The following UBAP2 variants were observed in gnomAD, a reference collection of about 807,000 sequenced individuals.
The protein encoded by UBAP2 is ubiquitin associated protein 2, also known as ubiquitin-associated protein 2.
UBAP2 carries 75 observed loss-of-function variants against 139.6 expected under a neutral mutation model. The ratio of observed to expected loss-of-function variants is 0.54; its 90% CI spans 0.45 to 0.65. The LOEUF (loss-of-function observed/expected upper bound fraction) is 0.65, where lower values mean the gene tolerates loss of function less well. UBAP2 is among the 30% of genes least tolerant of loss of function. The probability of loss-of-function intolerance (pLI) is 0.00; values close to 1 mark genes in which losing one functional copy is unlikely to be tolerated. For synonymous variants in UBAP2, 526 were observed against 526.2 expected (o/e 1.00, Z 0.01); for missense variants, 1,368 against 1,369.6 (o/e 1.00, Z 0.02).
At chr9:33,958,746 G>A (rs1021365519) in intron 10 of UBAP2, among the ~76,000 whole-genome samples, 16 of 148,506 alleles carry the variant, frequency 1.1e-4, no homozygotes, top group Non-Finnish European at 1.6e-4. Context: ...CAGGCATGAC[G>A]GCACGCACCT....
chr9:34,043,557 G>A (rs1481581846), intron 1 of UBAP2, among the ~76,000 whole-genome samples: 2 of 150,872 alleles, frequency 1.3e-5, no homozygotes, highest in East Asian at 3.9e-4. Flanking sequence ...ACCCAAGCTG[G>A]AGTGCAATGG....
intron 4 of UBAP2, chr9:33,994,838 G>A (rs948907851): frequency 6.6e-6 from 1 of 152,106 alleles, no homozygotes; most frequent in African/African-American, 2.4e-5. Flanking sequence ...TAAAAACACA[G>A]TCATTTTAGC....
intron 12 of UBAP2, 67 bp downstream of exon 12, chr9:33,953,218 T>C: frequency 2.9e-6 from 4 of 1,394,404 alleles, no homozygotes; most frequent in Admixed American, 4.5e-5. Flanking sequence ...GCATGTATCA[T>C]ATTCTAGAAT....
intron 1 of UBAP2, among the ~76,000 whole-genome samples, chr9:34,043,645 A>C (rs895755757): frequency 9.2e-5 from 14 of 151,902 alleles, no homozygotes; most frequent in South Asian, 4.2e-4. Flanking sequence ...GGGTACATGC[A>C]ATCATGCCCA....
At chr9:33,977,009 C>A (rs1354029818) in intron 6 of UBAP2, among the ~76,000 whole-genome samples, 1 of 148,486 alleles carries the variant, frequency 6.7e-6, no homozygotes. Flanking sequence ...AAGACTCGGT[C>A]TTGGAAAAAA....
In UBAP2 at chr9:33,982,588, C is replaced by G. The variant is rs554319101; in HGVS notation, c.520+4172G>C. 4.1e-4 allele frequency among the ~76,000 whole-genome samples: 62 copies of G among 152,178 alleles called. 1 individual carries two copies. The highest frequency in any genetic ancestry group is 1.4e-3 in the African/African-American group (57 of 41,518). On this transcript the variant is annotated intron_variant, in intron 6 of 28. Coordinates refer to ENST00000379238, the MANE Select transcript of UBAP2 (RefSeq NM_001370062.2). The stretch of plus-strand genomic sequence containing the variant: ...CTGTTCCTATTCACCGGTATATATA[C>G]TGATGAGAAAATTATATGAACAGCC...
At chr9:33,995,361 AT>A (rs1443789459) in intron 4 of UBAP2, 4 of 143,942 alleles carry the variant, frequency 2.8e-5, no homozygotes, top group Admixed American at 7.4e-5. Flanking sequence ...TCTCAAAAAA[AT>A]AAATAAATAT....
At chr9:34,040,780 G>A (rs1224915566) in intron 1 of UBAP2, among the ~76,000 whole-genome samples, 1 of 152,160 alleles carries the variant, frequency 6.6e-6, no homozygotes, top group Admixed American at 6.6e-5. Context: ...TCCACTCTGT[G>A]TATAAGCTGA....
chr9:34,035,514 A>AAAAAAATATATATATATATATAT, intron 1 of UBAP2, among the ~76,000 whole-genome samples: 4 of 22,488 alleles, frequency 1.8e-4, no homozygotes, highest in African/African-American at 3.8e-4. Context: ...AAAAAAAAAA[A>AAAAAAATATATATATATATATAT]ATATATATAT....
chr9:34,008,337 G>C (rs915056341), intron 2 of UBAP2, among the ~76,000 whole-genome samples: 3 of 141,830 alleles, frequency 2.1e-5, no homozygotes, highest in African/African-American at 8.0e-5. Flanking sequence ...AAAAAAAAAA[G>C]TGGGACACAG....
intron 1 of UBAP2, among the ~76,000 whole-genome samples, chr9:34,033,712 C>T (rs754885019): frequency 9.3e-5 from 14 of 151,290 alleles, no homozygotes; most frequent in Non-Finnish European, 1.2e-4. Context: ...CAAGCAGCTG[C>T]GACTACAGTC....
Position 33,998,872 on chromosome 9 carries a change from G to A in UBAP2, c.100-8C>T, listed in dbSNP as rs1587635954. The A allele has an allele frequency of 6.2e-7, 1 of 1,607,986 alleles. No individual in the cohort carries two copies. On this transcript the variant is annotated splice_region_variant and splice_polypyrimidine_tract_variant and intron_variant, in intron 2 of 28. Coordinates refer to ENST00000379238, the MANE Select transcript of UBAP2 (RefSeq NM_001370062.2). The stretch of plus-strand genomic sequence containing the variant: ...CATCTGTTCAGCTGTTGCCTGGAAA[G>A]TACATACAATTGTTAAGGATTTGAA...
At chr9:34,005,527 A>G (rs1255216567) in intron 2 of UBAP2, among the ~76,000 whole-genome samples, 3 of 152,102 alleles carry the variant, frequency 2.0e-5, no homozygotes, top group Non-Finnish European at 2.9e-5. Context: ...TCAAGAAATA[A>G]TAATTTAAAG....
At chr9:33,969,329 T>C (rs1268351676) in intron 8 of UBAP2, among the ~76,000 whole-genome samples, 1 of 152,132 alleles carries the variant, frequency 6.6e-6, no homozygotes, top group East Asian at 1.9e-4. Context: ...GGGAGGATCT[T>C]TGAAGCCAGG....
At chr9:33,978,395 A>G (rs1325336174) in intron 6 of UBAP2, among the ~76,000 whole-genome samples, 2 of 152,166 alleles carry the variant, frequency 1.3e-5, no homozygotes, top group Non-Finnish European at 2.9e-5. Context: ...ATTTTTAAGT[A>G]GAATGTTAAA....
At chr9:33,954,669 G>T (rs570125064) in intron 11 of UBAP2, among the ~76,000 whole-genome samples, 2 of 152,228 alleles carry the variant, frequency 1.3e-5, no homozygotes, top group Admixed American at 6.5e-5. Flanking sequence ...CTCCCTTATA[G>T]ACTATAGCCA....
At chr9:34,036,500 C>T (rs1235143589) in intron 1 of UBAP2, among the ~76,000 whole-genome samples, 1 of 152,154 alleles carries the variant, frequency 6.6e-6, no homozygotes, top group African/African-American at 2.4e-5. Flanking sequence ...AATACTCAAG[C>T]TCAATTCAAC....
intron 15 of UBAP2, among the ~76,000 whole-genome samples, chr9:33,942,325 A>G (rs1051163264): frequency 6.6e-6 from 1 of 152,004 alleles, no homozygotes; most frequent in Non-Finnish European, 1.5e-5. Flanking sequence ...AAAAGAAAAA[A>G]AATAAGAAGA....
chr9:33,974,088 G>A (rs1016785816), intron 6 of UBAP2, among the ~76,000 whole-genome samples: 1 of 152,134 alleles, frequency 6.6e-6, no homozygotes, highest in Admixed American at 6.6e-5. Flanking sequence ...CTACCTGACA[G>A]GCTGAAGCAG....
Sources: allele counts gnomAD v4.1 joint callset (sites outside exome capture counted in the v4.1 genomes callset), GRCh38; gene constraint gnomAD v4.1.1; transcripts MANE v1.5; gene names NCBI Gene and HGNC (gene_info 2026-07-23, HGNC 2026-07-21).